ZNF804B: variants seen among roughly 807,000 people sequenced by gnomAD.
ZNF804B encodes the protein zinc finger 804B.
Under a neutral mutation model 101.4 loss-of-function variants are expected in ZNF804B, and 80 were observed. The ratio of observed to expected loss-of-function variants is 0.79; its 90% CI spans 0.66 to 0.95. The LOEUF (loss-of-function observed/expected upper bound fraction) is 0.95. ZNF804B is among the 40% of genes least tolerant of loss of function. ZNF804B has a pLI of 0.00. For synonymous variants in ZNF804B, 622 were observed against 558.8 expected, an observed-to-expected ratio of 1.11 and a Z score of -1.59; for missense variants, 1,673 against 1,561.9, an observed-to-expected ratio of 1.07 and a Z score of -1.20.
intron 1 of ZNF804B, among the ~76,000 whole-genome samples, chr7:88,842,057 T>A (rs1052076009): frequency 2.0e-5 from 3 of 152,190 alleles, no homozygotes; most frequent in Non-Finnish European, 4.4e-5. Flanking sequence ...CAATATATAC[T>A]TTTTCATTAA....
rs1789864391 is a variant in ZNF804B at position 88,759,872 on chromosome 7, C to T, written c.-105C>T. 3 of 897,454 alleles carry T rather than the reference C, an allele frequency of 3.3e-6. No individual in the cohort carries two copies. The highest frequency in any genetic ancestry group is 1.8e-6 in the Non-Finnish European group (1 of 554,688). 55.6% of individuals were successfully genotyped at this position (897,454 alleles called of 1,614,324 possible). A position where few individuals can be genotyped will look rare whatever the true frequency, so the allele number is the denominator to read the frequency against. The stretch of plus-strand genomic sequence containing the variant: ...TCCCCCTGCGTCCTGCTGGCCGCGT[C>T]TTCTCGGGAGGTGGTAGTCGCTGTT... On this transcript the variant is annotated 5_prime_UTR_variant, in exon 1 of 4. Transcript: ENST00000333190.
intron 2 of ZNF804B, among the ~76,000 whole-genome samples, chr7:89,241,860 C>T (rs1789377277): frequency 6.8e-6 from 1 of 147,782 alleles, no homozygotes; most frequent in Non-Finnish European, 1.5e-5. Context: ...GGGTAATGTT[C>T]AATGAATGGT....
intron 1 of ZNF804B, among the ~76,000 whole-genome samples, chr7:89,084,331 G>A (rs1466449769): frequency 6.6e-6 from 1 of 151,850 alleles, no homozygotes; most frequent in Non-Finnish European, 1.5e-5. Context: ...CAAATCCTAG[G>A]AGGACCAACC....
chr7:89,256,414 A>T (rs1789632526), intron 2 of ZNF804B, among the ~76,000 whole-genome samples: 1 of 152,026 alleles, frequency 6.6e-6, no homozygotes, highest in Non-Finnish European at 1.5e-5. Context: ...GCATGCTGGT[A>T]TGTGCCTGTG....
At chr7:89,095,374 A>AT (rs1789957703) in intron 1 of ZNF804B, among the ~76,000 whole-genome samples, 1 of 152,078 alleles carries the variant, frequency 6.6e-6, no homozygotes, top group African/African-American at 2.4e-5. Context: ...ATAAACATTT[A>AT]TTTTTTTGTA....
chr7:89,016,268 T>G (rs1392820667), intron 1 of ZNF804B, among the ~76,000 whole-genome samples: 11 of 152,130 alleles, frequency 7.2e-5, no homozygotes, highest in Non-Finnish European at 1.6e-4. Flanking sequence ...TTGCAAAAAT[T>G]TTCTCCCATT....
intron 1 of ZNF804B, among the ~76,000 whole-genome samples, chr7:89,101,942 A>G (rs1376068706): frequency 6.6e-6 from 1 of 151,804 alleles, no homozygotes; most frequent in African/African-American, 2.4e-5. Context: ...GCTCCCACTT[A>G]TAAGTGAGAA....
chr7:89,227,402 CCAGCACCATTCCAAATGCT>C (rs1442987660), intron 2 of ZNF804B, among the ~76,000 whole-genome samples: 2 of 152,098 alleles, frequency 1.3e-5, no homozygotes, highest in African/African-American at 4.8e-5. Flanking sequence ...TTCTGTATGC[CCAGCACCATTCCAAATGCT>C]GGAGATTCAT....
At chr7:89,087,498 T>G (rs566331771) in intron 1 of ZNF804B, among the ~76,000 whole-genome samples, 1 of 152,112 alleles carries the variant, frequency 6.6e-6, no homozygotes, top group African/African-American at 2.4e-5. Context: ...CAAAATACAC[T>G]AAGTAAATAT....
chr7:88,824,220 C>T (rs761537650), intron 1 of ZNF804B, among the ~76,000 whole-genome samples: 2 of 152,086 alleles, frequency 1.3e-5, no homozygotes, highest in Non-Finnish European at 2.9e-5. Context: ...CATATCTCAT[C>T]TTGAATTGTA....
At chr7:88,787,651 A>G (rs1239892098) in intron 1 of ZNF804B, among the ~76,000 whole-genome samples, 1 of 152,184 alleles carries the variant, frequency 6.6e-6, no homozygotes, top group Non-Finnish European at 1.5e-5. Context: ...AACACCAATA[A>G]CTAATCGTAA....
At chr7:89,233,639 C>A (rs180989304) in intron 2 of ZNF804B, among the ~76,000 whole-genome samples, 2 of 151,574 alleles carry the variant, frequency 1.3e-5, no homozygotes, top group Admixed American at 6.6e-5. Context: ...AACTTTTTTT[C>A]TTCTCTTTTT....
At chr7:88,825,865 A>G (rs1308691120) in intron 1 of ZNF804B, among the ~76,000 whole-genome samples, 4 of 152,124 alleles carry the variant, frequency 2.6e-5, no homozygotes, top group Non-Finnish European at 4.4e-5. Context: ...TCCTCTTTGT[A>G]TCAGTGCTGG....
chr7:88,867,952 T>C (rs933744498), intron 1 of ZNF804B, among the ~76,000 whole-genome samples: 1 of 152,108 alleles, frequency 6.6e-6, no homozygotes, highest in Admixed American at 6.6e-5. Flanking sequence ...TGTTAACTGC[T>C]GGTTATACTA....
At chr7:89,014,548 C>A (rs1161040622) in intron 1 of ZNF804B, among the ~76,000 whole-genome samples, 1 of 152,178 alleles carries the variant, frequency 6.6e-6, no homozygotes, top group Non-Finnish European at 1.5e-5. Flanking sequence ...GATCTCCTGA[C>A]CTTGTGATCC....
chr7:88,969,638 C>T (rs933828108), intron 1 of ZNF804B, among the ~76,000 whole-genome samples: 1 of 151,578 alleles, frequency 6.6e-6, no homozygotes, highest in Non-Finnish European at 1.5e-5. Context: ...GTGAGTCAAA[C>T]TAATTATGCT....
chr7:88,918,889 C>T (rs1199220072), intron 1 of ZNF804B, among the ~76,000 whole-genome samples: 4 of 152,012 alleles, frequency 2.6e-5, no homozygotes, highest in Admixed American at 6.6e-5. Context: ...TTCTTACATA[C>T]AGAGTGAGGA....
chr7:88,973,471 G>A (rs796167112), intron 1 of ZNF804B, among the ~76,000 whole-genome samples: 13 of 151,170 alleles, frequency 8.6e-5, no homozygotes, highest in African/African-American at 2.9e-4. Context: ...AGATGAACAT[G>A]TATCAATAAA....
rs1258575171 is a variant in ZNF804B, at chr7:89,337,333, A to G, written c.*301A>G. Among the ~76,000 whole-genome samples the G allele has an allele frequency of 6.6e-6, 1 of 152,158 alleles. No individual in the cohort carries two copies. Among genetic ancestry groups the G allele is most frequent in the Non-Finnish European group, 1.5e-5 (1 of 68,022 alleles). On this transcript the variant is annotated 3_prime_UTR_variant, in exon 4 of 4. Transcript: ENST00000333190. The stretch of plus-strand genomic sequence containing the variant: ...TAATGTTATAAAATAGCAACAGAAA[A>G]CATTCAAGCAGAGCATTAAAATTAA...
Sources: gnomAD v4.1 joint callset for allele counts (sites outside exome capture counted in the v4.1 genomes callset) on GRCh38, gnomAD v4.1.1 for gene constraint, MANE v1.5 for transcripts, NCBI Gene and HGNC (gene_info 2026-07-23, HGNC 2026-07-21) for gene names.